BRD8: variants seen among roughly 807,000 people sequenced by gnomAD.
BRD8 encodes the protein bromodomain-containing protein 8.
In BRD8, 67 loss-of-function variants were observed where a neutral mutation model predicts 143.1. That is an observed-to-expected ratio of 0.47 (90% CI 0.38 to 0.57). The LOEUF (loss-of-function observed/expected upper bound fraction) is 0.57, where lower values mean the gene tolerates loss of function less well. Among genes scored for constraint, BRD8 ranks in the 20% least tolerant of loss-of-function variants. BRD8 has a pLI of 0.00. For missense variants in BRD8, 1,103 were observed against 1,503.0 expected (o/e 0.73, Z 4.40); for synonymous variants, 505 against 517.1 (o/e 0.98, Z 0.32).
At chr5:138,156,218 C>T (rs1395579366) in intron 20 of BRD8, among the ~76,000 whole-genome samples, 16 of 151,828 alleles carry the variant, frequency 1.1e-4, no homozygotes, top group African/African-American at 3.9e-4. Context: ...CAGCTCACTG[C>T]AACCTCCGCC....
chr5:138,176,064 T>C (rs1400646530), intron 2 of BRD8, among the ~76,000 whole-genome samples: 2 of 152,008 alleles, frequency 1.3e-5, no homozygotes, highest in East Asian at 1.9e-4. Flanking sequence ...TTATTCATAA[T>C]GGCCAAAAAG....
In BRD8 at chr5:138,152,726, T is replaced by C. The variant is rs1214655730; in HGVS notation, c.2612A>G (p.Gln871Arg). Residue 871 changes from glutamine (Q) to arginine (R), a missense_variant, in exon 21 of 27, where the codon CAA becomes CGA. Gln to Arg is a conservative substitution (Grantham distance 43, BLOSUM62 1). Transcript: ENST00000254900. ...CAACTCAGAGTCATTGGGATGATCT[T>C]GTTCAGAATCCAGCCAAACCCACTC... ...GHEWVWLDSE[Q>R]DHPNDSELSN... 6.2e-7 allele frequency: 1 copy of C among 1,614,116 alleles called. No individual in the cohort carries two copies. Among genetic ancestry groups the C allele is most frequent in the South Asian group, 1.1e-5 (1 of 91,082 alleles).
At chr5:138,145,570 CA>C (rs1752115894) in intron 24 of BRD8, among the ~76,000 whole-genome samples, 1 of 152,088 alleles carries the variant, frequency 6.6e-6, no homozygotes, top group African/African-American at 2.4e-5. Context: ...TAGTAGGAAC[CA>C]ATTTCTAGAG....
At chr5:138,169,078 G>T in intron 8 of BRD8, 144 bp downstream of exon 8, 1 of 893,212 alleles carries the variant, frequency 1.1e-6, no homozygotes, top group Non-Finnish European at 1.6e-6. Context: ...TTATCTCAGA[G>T]CACAGAACAT....
intron 21 of BRD8, among the ~76,000 whole-genome samples, chr5:138,151,617 T>A (rs1752371373): frequency 6.6e-6 from 1 of 152,206 alleles, no homozygotes; most frequent in Non-Finnish European, 1.5e-5. Context: ...AGGCCCCTAA[T>A]GACTGAAGTA....
chr5:138,164,237 ACCT>A, intron 13 of BRD8, 80 bp downstream of exon 13: 1 of 1,571,214 alleles, frequency 6.4e-7, no homozygotes, highest in Non-Finnish European at 8.8e-7. Context: ...GACCTGTTCT[ACCT>A]CCTCTACTTG....
chr5:138,173,848 A>G (rs1754088080), intron 2 of BRD8, among the ~76,000 whole-genome samples: 1 of 152,098 alleles, frequency 6.6e-6, no homozygotes, highest in South Asian at 2.1e-4. Flanking sequence ...AGACCTGGCT[A>G]GTATTTTTGT....
intron 25 of BRD8, among the ~76,000 whole-genome samples, chr5:138,144,519 T>C (rs1752058328): frequency 6.6e-6 from 1 of 152,208 alleles, no homozygotes; most frequent in Admixed American, 6.5e-5. Context: ...TTACTATACC[T>C]ATAACTAACT....
At chr5:138,146,463 C>T (rs1752154489) in intron 23 of BRD8, among the ~76,000 whole-genome samples, 2 of 152,026 alleles carry the variant, frequency 1.3e-5, no homozygotes, top group South Asian at 4.2e-4. Context: ...TCAAGCGATC[C>T]TCCTGCCTCA....
intron 24 of BRD8, 52 bp downstream of exon 24, chr5:138,145,737 G>A: frequency 1.4e-6 from 2 of 1,461,856 alleles, no homozygotes; most frequent in Non-Finnish European, 1.9e-6. Context: ...ACCCCAATAT[G>A]TATTACTGCT....
At chr5:138,168,406 C>G (rs2151209126) in intron 8 of BRD8, 1 of 1,127,752 alleles carries the variant, frequency 8.9e-7, no homozygotes, top group East Asian at 2.3e-5. Flanking sequence ...ATTTTAGGTC[C>G]CAGGCACTCC....
At chr5:138,147,091 G>C (rs1032418563) in intron 23 of BRD8, among the ~76,000 whole-genome samples, 1 of 151,434 alleles carries the variant, frequency 6.6e-6, no homozygotes, top group African/African-American at 2.4e-5. Flanking sequence ...GCAAATGAAG[G>C]CATTCCTCAC....
chr5:138,150,591 A>T (rs567960175), intron 22 of BRD8, among the ~76,000 whole-genome samples, 154 bp downstream of exon 22: 1 of 152,392 alleles, frequency 6.6e-6, no homozygotes, highest in African/African-American at 2.4e-5. Flanking sequence ...GTTCACTAAC[A>T]TGCTAAAGGT....
At chr5:138,168,617 G>C in intron 8 of BRD8, 1 of 1,605,410 alleles carries the variant, frequency 6.2e-7, no homozygotes, top group Non-Finnish European at 8.5e-7. Flanking sequence ...AGGGTGCAGA[G>C]CCTGGAGGAA....
intron 18 of BRD8, among the ~76,000 whole-genome samples, chr5:138,160,519 A>G (rs1255675841): frequency 6.6e-6 from 1 of 152,212 alleles, no homozygotes; most frequent in African/African-American, 2.4e-5. Context: ...CAACACCCCA[A>G]AAAGTACCTG....
At chr5:138,155,153 T>G (rs1311822912) in intron 20 of BRD8, among the ~76,000 whole-genome samples, 1 of 147,108 alleles carries the variant, frequency 6.8e-6, no homozygotes, top group Non-Finnish European at 1.5e-5. Flanking sequence ...ACTATTGAGT[T>G]TTAAAAATGT....
In BRD8 at chr5:138,161,981, T is replaced by C. The variant is rs893068019; in HGVS notation, c.2180+73A>G. On this transcript the variant is annotated intron_variant, in intron 16 of 26. Transcript: ENST00000254900. ...TACCAGCAGTTCCACAGAAGCCTAC[T>C]CAGACTTTTTTCCAGTCACCAACAA... 5 of 1,570,550 alleles carry C rather than the reference T, an allele frequency of 3.2e-6. No individual in the cohort carries two copies. The African/African-American group carries it at 6.8e-5, about 21-fold the overall frequency.
chr5:138,165,283 G>C, intron 11 of BRD8, 117 bp from the exon 12 acceptor site: 1 of 1,126,724 alleles, frequency 8.9e-7, no homozygotes, highest in Non-Finnish European at 1.3e-6. Context: ...TTTTTTCCAT[G>C]TAGTGGAGGC....
At chr5:138,167,364 G>C (rs74625998) in intron 9 of BRD8, among the ~76,000 whole-genome samples, 1 of 152,048 alleles carries the variant, frequency 6.6e-6, no homozygotes, top group Non-Finnish European at 1.5e-5. Flanking sequence ...TAAATCTGTC[G>C]CTTCTGCTGA....
Sources: gnomAD v4.1 joint callset for allele counts (sites outside exome capture counted in the v4.1 genomes callset) on GRCh38, gnomAD v4.1.1 for gene constraint, MANE v1.5 for transcripts, NCBI Gene and HGNC (gene_info 2026-07-23, HGNC 2026-07-21) for gene names.